MYT1L: variants seen among roughly 807,000 people sequenced by gnomAD.
MYT1L encodes the protein myelin transcription factor 1-like protein.
In MYT1L, 12 loss-of-function variants were observed where a neutral mutation model predicts 126.7. That is an observed-to-expected ratio of 0.09 (90% confidence interval 0.06 to 0.15). MYT1L has a LOEUF of 0.15. Ranked by LOEUF, MYT1L falls within the 10% of genes least tolerant of loss-of-function variation. The probability of loss-of-function intolerance (pLI) is 1.00; values close to 1 mark genes in which losing one functional copy is unlikely to be tolerated. For missense variants in MYT1L, 979 were observed against 1,585.2 expected (o/e 0.62, Z 6.49); for synonymous variants, 541 against 604.2 (o/e 0.90, Z 1.53).
chr2:1,952,978 CCTTT>C (rs1284336558), intron 8 of MYT1L, among the ~76,000 whole-genome samples: 12 of 113,596 alleles, frequency 1.1e-4, no homozygotes, highest in Admixed American at 4.4e-4. Context: ...CTCCTTCCTT[CCTTT>C]CTCTTTCTTT....
At chr2:1,948,591 C>T (rs948129682) in intron 8 of MYT1L, among the ~76,000 whole-genome samples, 4 of 152,198 alleles carry the variant, frequency 2.6e-5, no homozygotes, top group Non-Finnish European at 2.9e-5. Context: ...CTCCTGCCCT[C>T]GTATTCTGTG....
chr2:2,210,068 T>G (rs1355540252), intron 2 of MYT1L, among the ~76,000 whole-genome samples: 1 of 152,244 alleles, frequency 6.6e-6, no homozygotes, highest in South Asian at 2.1e-4. Flanking sequence ...TTCATAATCC[T>G]GCTTGCCATT....
intron 2 of MYT1L, among the ~76,000 whole-genome samples, chr2:2,196,512 T>A (rs1234646432): frequency 1.3e-5 from 2 of 151,334 alleles, no homozygotes; most frequent in African/African-American, 4.8e-5. Flanking sequence ...AAAATTACAT[T>A]CAATATATAT....
rs182749796 is a variant in MYT1L at position 2,169,753 on chromosome 2, C to T, written c.-304+3119G>A. Among the ~76,000 whole-genome samples, 324 of 152,254 alleles carry T rather than the reference C, an allele frequency of 2.1e-3. 9 individuals carry two copies. Among genetic ancestry groups the T allele is most frequent in the Admixed American group, 0.017 (264 of 15,296 alleles). On this transcript the variant is annotated intron_variant, in intron 3 of 24. Coordinates refer to ENST00000647738, the MANE Select transcript of MYT1L (RefSeq NM_001303052.2). ...CCTGGTCCTGTCAAGTGGTCACGCC[C>T]GGCTCTGCCCCACGGACTGCTGACC...
chr2:1,933,181 C>A (rs1333066454), intron 9 of MYT1L, among the ~76,000 whole-genome samples: 2 of 138,164 alleles, frequency 1.4e-5, no homozygotes, highest in African/African-American at 5.5e-5. Flanking sequence ...GACCAGGCAG[C>A]TTCCACAGCC....
chr2:2,032,529 G>A (rs1349343206), intron 4 of MYT1L, among the ~76,000 whole-genome samples: 2 of 144,212 alleles, frequency 1.4e-5, no homozygotes, highest in Non-Finnish European at 3.0e-5. Context: ...GATTCTAGAA[G>A]GAGGGCCTTA....
intron 21 of MYT1L, among the ~76,000 whole-genome samples, chr2:1,835,649 C>T (rs2040781814): frequency 6.6e-6 from 1 of 152,182 alleles, no homozygotes; most frequent in African/African-American, 2.4e-5. Context: ...CCTTATGCCA[C>T]TACTCCGGGT....
At chr2:2,036,366 C>T (rs554888587) in intron 4 of MYT1L, among the ~76,000 whole-genome samples, 42 of 46,164 alleles carry the variant, frequency 9.1e-4, no homozygotes, top group East Asian at 8.5e-3. Flanking sequence ...CCCTCCAATG[C>T]GGGTGCAGAA....
At chr2:2,283,305 T>A (rs898707998) in intron 2 of MYT1L, among the ~76,000 whole-genome samples, 3 of 152,228 alleles carry the variant, frequency 2.0e-5, no homozygotes, top group African/African-American at 7.2e-5. Context: ...TTTAATATTC[T>A]AATGTTTCTA....
At chr2:2,299,075 A>G (rs1262252422) in intron 1 of MYT1L, among the ~76,000 whole-genome samples, 1 of 152,024 alleles carries the variant, frequency 6.6e-6, no homozygotes, top group Non-Finnish European at 1.5e-5. Flanking sequence ...GATGGTCTCG[A>G]TCTCCTGACC....
chr2:1,811,531 C>T lies in MYT1L; in HGVS notation c.3081-2364G>A, dbSNP rs2036660583. ...AGGGTGGGCACGGTGGGCGCCCTGG[C>T]TTCTCCTGCTTGCCCTGACTGCATC... On this transcript the variant is annotated intron_variant, in intron 21 of 24. Coordinates refer to ENST00000647738, the MANE Select transcript of MYT1L (RefSeq NM_001303052.2). This position sits in a 1 kb window ranked among gnomAD's most constrained non-coding sequence, Gnocchi z 4.4. 6.6e-6 allele frequency: 1 copy of T among 152,336 alleles called. No homozygotes were observed. Among genetic ancestry groups the T allele is most frequent in the Non-Finnish European group, 1.5e-5 (1 of 68,064 alleles). 9.4% of individuals were successfully genotyped at this position (152,336 alleles called of 1,614,324 possible).
At chr2:2,191,251 C>T (rs2148740814) in intron 2 of MYT1L, among the ~76,000 whole-genome samples, 1 of 152,230 alleles carries the variant, frequency 6.6e-6, no homozygotes. Flanking sequence ...GAAGGCTGTG[C>T]CTGCTAGGAT....
intron 3 of MYT1L, among the ~76,000 whole-genome samples, chr2:2,149,853 C>T (rs1458378761): frequency 3.3e-5 from 5 of 152,172 alleles, no homozygotes; most frequent in Non-Finnish European, 7.4e-5. Flanking sequence ...TCTGCATTTC[C>T]AAAACTCAAC....
At chr2:2,122,602 T>C (rs1467583617) in intron 3 of MYT1L, among the ~76,000 whole-genome samples, 1 of 152,152 alleles carries the variant, frequency 6.6e-6, no homozygotes, top group African/African-American at 2.4e-5. Flanking sequence ...CCAAACAAAA[T>C]AGACGATTTA....
At chr2:1,955,971 G>C (rs1338407457) in intron 8 of MYT1L, among the ~76,000 whole-genome samples, 3 of 152,168 alleles carry the variant, frequency 2.0e-5, no homozygotes, top group Non-Finnish European at 4.4e-5. Flanking sequence ...AGCTTAATAT[G>C]ACTGCTTTTG....
intron 2 of MYT1L, among the ~76,000 whole-genome samples, chr2:2,211,679 CCT>C (rs1394178288): frequency 6.6e-6 from 1 of 151,892 alleles, no homozygotes; most frequent in African/African-American, 2.4e-5. Context: ...GTGGCGGGCG[CCT>C]CTAGTCCCAG....
intron 3 of MYT1L, among the ~76,000 whole-genome samples, chr2:2,103,831 A>C (rs1033944216): frequency 5.9e-5 from 9 of 152,226 alleles, no homozygotes; most frequent in African/African-American, 2.2e-4. Context: ...TGGGTGACAT[A>C]CATGGAATTG....
intron 1 of MYT1L, among the ~76,000 whole-genome samples, chr2:2,290,358 G>A (rs993104010): frequency 6.6e-6 from 1 of 152,114 alleles, no homozygotes; most frequent in Non-Finnish European, 1.5e-5. Flanking sequence ...CTTTATTTGC[G>A]CAAGTCTGAA....
Position 1,853,970 on chromosome 2 carries a change from C to T in MYT1L, c.2712-2267G>A, listed in dbSNP as rs2043597302. Among the ~76,000 whole-genome samples, 3 of 152,264 alleles carry T rather than the reference C, an allele frequency of 2.0e-5. No homozygotes were observed. In the South Asian group the frequency reaches 6.2e-4, roughly 32 times the overall value. On this transcript the variant is annotated intron_variant, in intron 18 of 24. Transcript: ENST00000647738. The stretch of plus-strand genomic sequence containing the variant: ...AAGAAAATAGGTGTTTTAACCAGCA[C>T]CTGTGGCAACTTAATGTCCTGTCAA...
Sources: allele counts gnomAD v4.1 joint callset (sites outside exome capture counted in the v4.1 genomes callset), GRCh38; gene constraint gnomAD v4.1.1; non-coding constraint Gnocchi (gnomAD v3.1); transcripts MANE v1.5; gene names NCBI Gene and HGNC (gene_info 2026-07-23, HGNC 2026-07-21).